NCR2: variants seen among roughly 807,000 people sequenced by gnomAD.
NCR2 encodes natural cytotoxicity triggering receptor 2, also known as NK cell activating receptor (NKp44).
Under a neutral mutation model 30.7 loss-of-function variants are expected in NCR2, and 35 were observed. That is an observed-to-expected ratio of 1.14 (90% CI 0.87 to 1.51). The LOEUF is 1.51. Ranked by LOEUF, NCR2 falls within the 40% of genes most tolerant of loss-of-function variation. The pLI is 0.00. For synonymous variants in NCR2, 146 were observed against 134.8 expected, an observed-to-expected ratio of 1.08 and a Z score of -0.58; for missense variants, 316 against 328.9, an observed-to-expected ratio of 0.96 and a Z score of 0.30.
At chr6:41,336,983 A>T (rs1769049130) in intron 2 of NCR2, among the ~76,000 whole-genome samples, 1 of 152,178 alleles carries the variant, frequency 6.6e-6, no homozygotes. Flanking sequence ...AGCCATGCCC[A>T]CTCAATTACC....
In NCR2 at chr6:41,336,116, C is replaced by T; in HGVS notation, c.82C>T (p.Leu28Phe). ...GSQAQSKAQV[L>F]QSVAGQTLTV... The stretch of plus-strand genomic sequence containing the variant: ...TCAGGCACAATCCAAGGCTCAGGTA[C>T]TTCAAAGTGTGGCAGGGCAGACGCT... Residue 28 changes from leucine (L) to phenylalanine (F), a missense_variant, in exon 2 of 5, where the codon CTT (leucine) becomes TTT (phenylalanine). Leu to Phe is a conservative substitution (Grantham distance 22, BLOSUM62 0). Transcript: ENST00000373089. 1.2e-6 allele frequency: 2 copies of T among 1,614,070 alleles called. No individual in the cohort carries two copies. The highest frequency in any genetic ancestry group is 1.1e-5 in the South Asian group (1 of 91,072).
chr6:41,343,956 A>G (rs1386903856), intron 4 of NCR2, among the ~76,000 whole-genome samples: 4 of 151,894 alleles, frequency 2.6e-5, no homozygotes, highest in Non-Finnish European at 2.9e-5. Flanking sequence ...GGTCACCCCA[A>G]CGTTTCCCTC....
At chr6:41,338,070 A>G (rs992753854) in intron 2 of NCR2, among the ~76,000 whole-genome samples, 31 of 152,330 alleles carry the variant, frequency 2.0e-4, no homozygotes, top group African/African-American at 7.2e-4. Flanking sequence ...TCTGACTTTT[A>G]TGTTTGCACT....
intron 4 of NCR2, among the ~76,000 whole-genome samples, chr6:41,349,214 T>C (rs1769376565): frequency 6.7e-6 from 1 of 148,900 alleles, no homozygotes; most frequent in South Asian, 2.1e-4. Context: ...ATAATTTTCA[T>C]ATATATATAT....
At chr6:41,341,095 C>G (rs1345312985) in intron 2 of NCR2, among the ~76,000 whole-genome samples, 1 of 152,158 alleles carries the variant, frequency 6.6e-6, no homozygotes, top group Non-Finnish European at 1.5e-5. Context: ...AGCCTTGGTT[C>G]CAACCCTACT....
chr6:41,342,293 T>C (rs62397391), intron 4 of NCR2, 144 bp downstream of exon 4: 62,214 of 1,128,104 alleles, frequency 0.055, 3,004 homozygotes, highest in African/African-American at 0.23. Context: ...CCTCATGGAG[T>C]CCATCCATCT....
Position 41,341,877 on chromosome 6 carries a change from G to A in NCR2, c.478G>A (p.Ala160Thr), listed in dbSNP as rs772882135. Reference sequence around the variant, plus strand: ...GACCCAGAGCTGTGTGCCTCCCACTGCAGGAGCCAGACAAGCCCCTGAGTC... The same window carrying A: ...GACCCAGAGCTGTGTGCCTCCCACTACAGGAGCCAGACAAGCCCCTGAGTC... ...TQTQSCVPPTAGARQAPESPS... is the reference protein window; with the variant it reads ...TQTQSCVPPTTGARQAPESPS... The change falls in exon 3 of 5, where the codon GCA (alanine) becomes ACA (threonine). Residue 160 changes from alanine (A) to threonine (T), a missense_variant. Ala to Thr is a moderately conservative substitution (Grantham distance 58, BLOSUM62 0). Coordinates refer to ENST00000373089, the MANE Select transcript of NCR2 (RefSeq NM_004828.4). 6.2e-7 allele frequency: 1 copy of A among 1,613,886 alleles called. No homozygotes were observed. Among genetic ancestry groups the A allele is most frequent in the African/African-American group, 1.3e-5 (1 of 74,918 alleles).
rs2114044852 is a variant in NCR2 at position 41,336,166 on chromosome 6, C to A, written c.132C>A (p.Pro44=). ...QTLTVRCQYP[P]TGSLYEKKGW... is the part of the protein sequence containing the mutation. ...TAACCGTGAGATGCCAGTACCCGCC[C>A]ACGGGCAGTCTCTACGAGAAGAAAG... Residue 44 remains proline (P), a synonymous_variant, in exon 2 of 5, where the codon CCC becomes CCA. Transcript: ENST00000373089. 1 of 1,614,178 alleles carries A rather than the reference C, an allele frequency of 6.2e-7. No individual in the cohort carries two copies. The highest frequency in any genetic ancestry group is 8.5e-7 in the Non-Finnish European group (1 of 1,180,040).
rs1769028006 is a variant in NCR2 at position 41,336,329 on chromosome 6, C to G, written c.295C>G (p.Leu99Val). The G allele has an allele frequency of 9.3e-6, 15 of 1,614,088 alleles. No individual in the cohort carries two copies. Among genetic ancestry groups the G allele is most frequent in the Non-Finnish European group, 1.3e-5 (15 of 1,180,036 alleles). The change falls in exon 2 of 5, where the codon CTG (leucine) becomes GTG (valine). Residue 99 changes from leucine (L) to valine (V), a missense_variant. Coordinates refer to ENST00000373089, the MANE Select transcript of NCR2 (RefSeq NM_004828.4). ...CTTCTTCACTGTCACCATGACTGAT[C>G]TGAGAGAGGAAGACTCAGGACATTA... is the stretch of plus-strand genomic sequence containing the variant. ...AGFFTVTMTDLREEDSGHYWC... is the reference protein window; with the variant it reads ...AGFFTVTMTDVREEDSGHYWC...
intron 4 of NCR2, among the ~76,000 whole-genome samples, chr6:41,350,318 T>C (rs1266202432): frequency 1.3e-5 from 2 of 152,100 alleles, no homozygotes; most frequent in African/African-American, 4.8e-5. Context: ...GACTCAACTG[T>C]GACACAGCAG....
At chr6:41,343,027 G>A in intron 4 of NCR2, 1 of 1,550,140 alleles carries the variant, frequency 6.5e-7, no homozygotes, top group Non-Finnish European at 8.7e-7. Context: ...GGCACCAGGT[G>A]GGCGGCCAGT....
At position 41,336,409 on chromosome 6, in the gene NCR2, C is replaced by A. The variant is rs1350435827; in HGVS notation, c.375C>A (p.Phe125Leu). ...SDNSVSKSVR[F>L]YLVVSPASAS... is the part of the protein sequence containing the mutation. The stretch of plus-strand genomic sequence containing the variant: ...ACTCTGTCTCTAAGTCCGTCAGATT[C>A]TATCTGGTGGTATCTCCAGGTGAGC... Residue 125 changes from phenylalanine to leucine, a missense_variant, in exon 2 of 5, where the codon TTC becomes TTA. Physicochemically the swap from Phe to Leu is conservative, Grantham distance 22. Transcript: ENST00000373089. 1 of 1,613,526 alleles carries A rather than the reference C, an allele frequency of 6.2e-7. No homozygotes were observed. The highest frequency in any genetic ancestry group is 8.5e-7 in the Non-Finnish European group (1 of 1,179,610).
intron 4 of NCR2, among the ~76,000 whole-genome samples, chr6:41,349,119 T>C (rs1354008134): frequency 6.8e-6 from 1 of 147,260 alleles, no homozygotes; most frequent in Admixed American, 6.8e-5. Flanking sequence ...ATTTTTTATA[T>C]TTTATTTATA....
chr6:41,346,815 G>A (rs1189152906), intron 4 of NCR2, among the ~76,000 whole-genome samples: 1 of 136,370 alleles, frequency 7.3e-6, no homozygotes, highest in African/African-American at 2.7e-5. Flanking sequence ...GAAAGAGGGG[G>A]AAAGAGAGAA....
chr6:41,350,127 G>A (rs1581667397), intron 4 of NCR2, among the ~76,000 whole-genome samples: 1 of 152,240 alleles, frequency 6.6e-6, no homozygotes, highest in East Asian at 1.9e-4. Context: ...AAATGATGCT[G>A]GAAAAGTTTC....
intron 2 of NCR2, among the ~76,000 whole-genome samples, chr6:41,341,506 C>T (rs933435969): frequency 6.6e-6 from 1 of 152,134 alleles, no homozygotes; most frequent in Non-Finnish European, 1.5e-5. Context: ...TTAGGAGGCT[C>T]GGATGGGTGC....
At chr6:41,337,973 G>T (rs1028905288) in intron 2 of NCR2, among the ~76,000 whole-genome samples, 1 of 152,176 alleles carries the variant, frequency 6.6e-6, no homozygotes, top group African/African-American at 2.4e-5. Flanking sequence ...CACTTGTGAA[G>T]ATATGCAATA....
intron 2 of NCR2, among the ~76,000 whole-genome samples, chr6:41,337,132 G>A (rs1769052277): frequency 6.6e-6 from 1 of 152,124 alleles, no homozygotes; most frequent in South Asian, 2.1e-4. Flanking sequence ...TCCTGTGGAA[G>A]AGGACCTTCT....
chr6:41,347,862 G>A (rs1301804142), intron 4 of NCR2, among the ~76,000 whole-genome samples: 1 of 152,168 alleles, frequency 6.6e-6, no homozygotes, highest in Non-Finnish European at 1.5e-5. Flanking sequence ...GGAGGGCCGT[G>A]CCCAAGACGG....
Sources: gnomAD v4.1 joint callset for allele counts (sites outside exome capture counted in the v4.1 genomes callset) on GRCh38, gnomAD v4.1.1 for gene constraint, MANE v1.5 for transcripts, NCBI Gene and HGNC (gene_info 2026-07-23, HGNC 2026-07-21) for gene names.